The following ACVR1 variants were observed in gnomAD, a reference collection of about 807,000 sequenced individuals.
ACVR1 encodes the protein activin A receptor type 1.
In ACVR1, 38 loss-of-function variants were observed where a neutral mutation model predicts 57.1. The ratio of observed to expected loss-of-function variants is 0.67; its 90% CI spans 0.51 to 0.87. ACVR1 has a LOEUF of 0.87. ACVR1 is among the 40% of genes least tolerant of loss of function. The pLI, the probability that ACVR1 is intolerant of heterozygous loss-of-function variation, is 0.00. For missense variants in ACVR1, 463 were observed against 638.2 expected (o/e 0.73, Z 2.96); for synonymous variants, 212 against 228.1 (o/e 0.93, Z 0.63).
At chr2:157,806,929 A>G (rs1372878500) in intron 2 of ACVR1, 1 of 152,236 alleles carries the variant, frequency 6.6e-6, no homozygotes, top group Non-Finnish European at 1.5e-5. Flanking sequence ...CTTTCATGAT[A>G]GATGAATACA....
chr2:157,868,781 C>T (rs1690025067), intron 1 of ACVR1, among the ~76,000 whole-genome samples: 1 of 152,136 alleles, frequency 6.6e-6, no homozygotes, highest in South Asian at 2.1e-4. Context: ...TCAAGTGCAC[C>T]TTAATATTAA....
In ACVR1 at chr2:157,812,414, C is replaced by T. The variant is rs111902901; in HGVS notation, c.-8+5971G>A. On this transcript the variant is annotated intron_variant, in intron 2 of 10. Transcript: ENST00000434821. ...TAGGTCTGAACACCTGGTTGATGGA[C>T]CCATTAAAAAAAAGGCAAGGAGGCA... Among the ~76,000 whole-genome samples the T allele has an allele frequency of 4.3e-3, 651 of 151,608 alleles. 2 individuals carry two copies. Among genetic ancestry groups the T allele is most frequent in the African/African-American group, 0.015 (601 of 41,316 alleles).
chr2:157,757,302 G>C (rs1388572301), intron 9 of ACVR1, among the ~76,000 whole-genome samples: 2 of 151,328 alleles, frequency 1.3e-5, no homozygotes, highest in Non-Finnish European at 3.0e-5. Context: ...AAAATAAATG[G>C]GCAAAGGCAT....
Position 157,858,175 on chromosome 2 carries a change from C to CT in ACVR1, c.-183+17620dup, listed in dbSNP as rs562877741. 3.0e-3 allele frequency among the ~76,000 whole-genome samples: 459 copies of CT among 152,286 alleles called. 3 individuals are homozygous for CT. The highest frequency in any genetic ancestry group is 0.011 in the African/African-American group (446 of 41,556). ...CAACAAAATGCCCTCTTGAGCTCTT[C>CT]TCTTACTGGGTTCTCAGGGCTACCT... On this transcript the variant is annotated intron_variant, in intron 1 of 10. Coordinates refer to ENST00000434821, the MANE Select transcript of ACVR1 (RefSeq NM_001111067.4).
At chr2:157,821,343 T>C (rs1479828213) in intron 1 of ACVR1, among the ~76,000 whole-genome samples, 5 of 152,038 alleles carry the variant, frequency 3.3e-5, no homozygotes. Context: ...CTGGCTGACA[T>C]GGTGAAACCC....
At chr2:157,813,929 A>G (rs953554373) in intron 2 of ACVR1, among the ~76,000 whole-genome samples, 1 of 152,224 alleles carries the variant, frequency 6.6e-6, no homozygotes, top group Non-Finnish European at 1.5e-5. Flanking sequence ...GAACCAGGAG[A>G]TAGTAAGTTT....
At chr2:157,836,806 GCTTCCAGAATTTA>G (rs1688798220) in intron 1 of ACVR1, among the ~76,000 whole-genome samples, 1 of 152,128 alleles carries the variant, frequency 6.6e-6, no homozygotes. Context: ...GATTTATAAG[GCTTCCAGAATTTA>G]AAAGTAATGT....
intron 9 of ACVR1, among the ~76,000 whole-genome samples, chr2:157,751,134 T>C (rs1002443634): frequency 6.6e-6 from 1 of 152,194 alleles, no homozygotes; most frequent in Non-Finnish European, 1.5e-5. Flanking sequence ...GTGCCCAAAC[T>C]GTGAAAGTGG....
chr2:157,780,566 C>T lies in ACVR1; in HGVS notation c.102G>A (p.Met34Ile). 1 of 1,613,112 alleles carries T rather than the reference C, an allele frequency of 6.2e-7. No homozygotes were observed. The highest frequency in any genetic ancestry group is 8.5e-7 in the Non-Finnish European group (1 of 1,179,910). The change falls in exon 4 of 11, where the codon ATG (methionine) becomes ATA (isoleucine). Residue 34 changes from methionine (M) to isoleucine (I), a missense_variant. By Grantham distance (10) the Met-to-Ile change is conservative. Coordinates refer to ENST00000434821, the MANE Select transcript of ACVR1 (RefSeq NM_001111067.4). ...CGCAGGAGAGACCTTCACACACACA[C>T]ATGTAGAGTTTGGGGTTGACCTTGG... is the stretch of plus-strand genomic sequence containing the variant. ...EKPKVNPKLY[M>I]CVCEGLSCGN...
chr2:157,821,005 G>A (rs1178020362), intron 1 of ACVR1, among the ~76,000 whole-genome samples: 1 of 152,118 alleles, frequency 6.6e-6, no homozygotes, highest in Non-Finnish European at 1.5e-5. Context: ...AATCAAAACT[G>A]TGGTGTACTA....
chr2:157,757,023 T>C (rs141558012), intron 9 of ACVR1, among the ~76,000 whole-genome samples: 1 of 120,840 alleles, frequency 8.3e-6, no homozygotes, highest in Admixed American at 7.8e-5. Context: ...ATATATTTGA[T>C]ATATATATAT....
At chr2:157,831,886 A>G (rs1574124184) in intron 1 of ACVR1, among the ~76,000 whole-genome samples, 1 of 152,360 alleles carries the variant, frequency 6.6e-6, no homozygotes, top group East Asian at 1.9e-4. Flanking sequence ...TGGCTACACT[A>G]AAAACCACTG....
chr2:157,750,773 G>A (rs899630117), intron 9 of ACVR1, among the ~76,000 whole-genome samples: 16 of 151,734 alleles, frequency 1.1e-4, no homozygotes, highest in African/African-American at 2.9e-4. Context: ...TAAAATGCCC[G>A]AAAACAAATT....
chr2:157,784,417 G>GCC (rs1241278242), intron 3 of ACVR1, among the ~76,000 whole-genome samples: 4 of 152,234 alleles, frequency 2.6e-5, no homozygotes, highest in African/African-American at 9.6e-5. Context: ...TCCAGGAAGT[G>GCC]CCCTGGCAGA....
At chr2:157,837,492 A>C (rs1688824586) in intron 1 of ACVR1, among the ~76,000 whole-genome samples, 1 of 152,226 alleles carries the variant, frequency 6.6e-6, no homozygotes, top group Non-Finnish European at 1.5e-5. Flanking sequence ...TTTAAAAAAA[A>C]CTTTTAAATT....
At chr2:157,819,859 A>G (rs1227428247) in intron 1 of ACVR1, among the ~76,000 whole-genome samples, 1 of 152,226 alleles carries the variant, frequency 6.6e-6, no homozygotes, top group African/African-American at 2.4e-5. Flanking sequence ...TATTAGAACC[A>G]AACTTTCCCA....
chr2:157,788,297 CA>C (rs147500067), intron 3 of ACVR1, among the ~76,000 whole-genome samples: 3,680 of 152,216 alleles, frequency 0.024, 158 homozygotes, highest in African/African-American at 0.084. Flanking sequence ...AAATATTAAG[CA>C]AAAAATTCCA....
At chr2:157,863,611 C>T (rs1689812505) in intron 1 of ACVR1, among the ~76,000 whole-genome samples, 1 of 150,780 alleles carries the variant, frequency 6.6e-6, no homozygotes, top group African/African-American at 2.4e-5. Context: ...GCATGAGAAT[C>T]GCTTGAACCC....
intron 2 of ACVR1, among the ~76,000 whole-genome samples, chr2:157,809,687 A>G (rs1216280817): frequency 6.6e-6 from 1 of 152,232 alleles, no homozygotes; most frequent in Non-Finnish European, 1.5e-5. Context: ...TGAAGTAGGG[A>G]GAAAGAATGA....
Sources: allele counts gnomAD v4.1 joint callset (sites outside exome capture counted in the v4.1 genomes callset), GRCh38; gene constraint gnomAD v4.1.1; transcripts MANE v1.5; gene names NCBI Gene and HGNC (gene_info 2026-07-23, HGNC 2026-07-21).